Variants in ADAMTS6 observed in about 807,000 individuals in gnomAD.
The protein encoded by ADAMTS6 is A disintegrin and metalloproteinase with thrombospondin motifs 6.
ADAMTS6 carries 23 observed loss-of-function variants against 144.3 expected under a neutral mutation model. That is an observed-to-expected ratio of 0.16 (90% CI 0.11 to 0.23). ADAMTS6 has a LOEUF of 0.23. ADAMTS6 is among the 10% of genes least tolerant of loss of function. ADAMTS6 has a pLI of 1.00. For synonymous variants in ADAMTS6, 444 were observed against 457.5 expected (o/e 0.97, Z 0.38); for missense variants, 999 against 1,379.6 (o/e 0.72, Z 4.37).
At chr5:65,363,209 T>C (rs943764051) in intron 7 of ADAMTS6, among the ~76,000 whole-genome samples, 5 of 152,168 alleles carry the variant, frequency 3.3e-5, no homozygotes, top group African/African-American at 9.6e-5. Flanking sequence ...ACTCAACCTT[T>C]TGGGAGAAAT....
rs1756799545 is a variant in ADAMTS6 at position 65,214,868 on chromosome 5, C to A, written c.2501G>T (p.Gly834Val). The change falls in exon 20 of 25, where the codon GGC becomes GTC. Residue 834 changes from glycine (G) to valine (V), a missense_variant. This residue lies in a region of ADAMTS6 where 619 missense variants were observed against 837.0 expected (regional missense o/e 0.74). Transcript: ENST00000381055. This position sits in a 1 kb window ranked among gnomAD's most constrained non-coding sequence, Gnocchi z 4.6. The part of the protein sequence containing the change: ...YKFNVPITRT[G>V]SGDNEVGFTW... Reference sequence around the variant, plus strand: ...AAAGCCAACTTCATTATCTCCACTGCCAGTTCGAGTGATGGGAACATTGAA... The same window carrying A: ...AAAGCCAACTTCATTATCTCCACTGACAGTTCGAGTGATGGGAACATTGAA... The A allele has an allele frequency of 1.9e-6, 3 of 1,614,128 alleles. No individual in the cohort carries two copies. Among genetic ancestry groups the A allele is most frequent in the Non-Finnish European group, 2.5e-6 (3 of 1,180,020 alleles).
intron 7 of ADAMTS6, among the ~76,000 whole-genome samples, chr5:65,352,450 A>G (rs1391431288): frequency 6.6e-6 from 1 of 152,168 alleles, no homozygotes; most frequent in South Asian, 2.1e-4. Flanking sequence ...CTACTCAACT[A>G]TGAGTGGGAA....
chr5:65,232,472 A>G (rs1758327024), intron 15 of ADAMTS6, among the ~76,000 whole-genome samples: 1 of 152,038 alleles, frequency 6.6e-6, no homozygotes, highest in Non-Finnish European at 1.5e-5. Flanking sequence ...ATACTAGGAG[A>G]GAAAGAGAAA....
At chr5:65,317,094 C>A (rs1027942804) in intron 9 of ADAMTS6, among the ~76,000 whole-genome samples, 1 of 152,112 alleles carries the variant, frequency 6.6e-6, no homozygotes, top group Admixed American at 6.6e-5. Context: ...TGAGCCACTG[C>A]GCCTGGCTGA....
intron 7 of ADAMTS6, among the ~76,000 whole-genome samples, chr5:65,389,189 G>C (rs1752715792): frequency 6.6e-6 from 1 of 151,782 alleles, no homozygotes; most frequent in Admixed American, 6.6e-5. Flanking sequence ...GGGCGACAGA[G>C]CGAGACTCCA....
chr5:65,245,494 A>G, intron 14 of ADAMTS6, among the ~76,000 whole-genome samples: 1 of 152,084 alleles, frequency 6.6e-6, no homozygotes, highest in East Asian at 1.9e-4. Flanking sequence ...ATCTTCCTGG[A>G]AGGAACTAGT....
chr5:65,386,768 G>A (rs1030758383), intron 7 of ADAMTS6, among the ~76,000 whole-genome samples: 5 of 152,078 alleles, frequency 3.3e-5, no homozygotes, highest in East Asian at 1.9e-4. Flanking sequence ...TGTATTTTTA[G>A]TAGAGACAGG....
At chr5:65,448,577 T>C (rs1354806680) in intron 7 of ADAMTS6, among the ~76,000 whole-genome samples, 1 of 152,050 alleles carries the variant, frequency 6.6e-6, no homozygotes, top group East Asian at 1.9e-4. Context: ...CTCAGCCTCC[T>C]GAGTAGCTGG....
chr5:65,367,290 C>A (rs1254847626), intron 7 of ADAMTS6, among the ~76,000 whole-genome samples: 3 of 152,050 alleles, frequency 2.0e-5, no homozygotes, highest in African/African-American at 7.2e-5. Context: ...CTTAAAAGAG[C>A]ATTCTTTATC....
At chr5:65,179,956 G>A (rs59371486) in intron 22 of ADAMTS6, among the ~76,000 whole-genome samples, 4,382 of 142,340 alleles carry the variant, frequency 0.031, 230 homozygotes, top group African/African-American at 0.12. Flanking sequence ...GTGCACGCAC[G>A]CGCACACACA....
chr5:65,381,454 T>C (rs1016210039), intron 7 of ADAMTS6, among the ~76,000 whole-genome samples: 4 of 151,266 alleles, frequency 2.6e-5, no homozygotes, highest in African/African-American at 9.7e-5. Flanking sequence ...CCTCCACCTC[T>C]TGGGTTCAAG....
chr5:65,270,799 A>C (rs1454472924), intron 12 of ADAMTS6, among the ~76,000 whole-genome samples: 2 of 152,296 alleles, frequency 1.3e-5, no homozygotes, highest in Non-Finnish European at 1.5e-5. Context: ...AAACTTTGCC[A>C]TATTTACAAG....
chr5:65,153,642 A>G (rs940906786), intron 24 of ADAMTS6, among the ~76,000 whole-genome samples: 2 of 152,218 alleles, frequency 1.3e-5, no homozygotes, highest in African/African-American at 4.8e-5. Flanking sequence ...AAATATCTCA[A>G]TGAGGATGCA....
chr5:65,224,242 C>T (rs979756421), intron 18 of ADAMTS6, 78 bp downstream of exon 18: 7 of 1,225,820 alleles, frequency 5.7e-6, no homozygotes, highest in African/African-American at 3.0e-5. Context: ...AGAAGCATGC[C>T]TTTTCCTTCA....
In ADAMTS6 at chr5:65,423,944, CTATT is replaced by C. The variant is rs1157381639; in HGVS notation, c.1073+27527_1073+27530del. Among the ~76,000 whole-genome samples the C allele has an allele frequency of 6.6e-5, 10 of 152,094 alleles. No individual in the cohort carries two copies. The South Asian group carries it at 1.2e-3, about 19-fold the overall frequency. ...CATATAACTCATCAATATGTATTGACTATTTATCTTAATTTTTTTCTTTCTTAAA... is the reference window on the plus strand; with the variant it reads ...CATATAACTCATCAATATGTATTGACTATCTTAATTTTTTTCTTTCTTAAA... On this transcript the variant is annotated intron_variant, in intron 7 of 24. Transcript: ENST00000381055.
intron 18 of ADAMTS6, among the ~76,000 whole-genome samples, chr5:65,219,349 C>CTTG (rs1201675915): frequency 6.6e-6 from 1 of 152,054 alleles, no homozygotes; most frequent in Admixed American, 6.6e-5. Flanking sequence ...TAGTTGCCGA[C>CTTG]CCCCAACCCC....
At chr5:65,429,404 C>T (rs1012326610) in intron 7 of ADAMTS6, among the ~76,000 whole-genome samples, 18 of 152,042 alleles carry the variant, frequency 1.2e-4, no homozygotes, top group Non-Finnish European at 2.4e-4. Flanking sequence ...GCTCCAGTGT[C>T]GCATAAAACT....
intron 7 of ADAMTS6, among the ~76,000 whole-genome samples, chr5:65,336,923 A>G (rs1026338074): frequency 6.6e-6 from 1 of 152,134 alleles, no homozygotes; most frequent in African/African-American, 2.4e-5. Context: ...TATATCTACC[A>G]TGATACCTAC....
intron 21 of ADAMTS6, among the ~76,000 whole-genome samples, chr5:65,192,129 G>A (rs972281652): frequency 6.6e-6 from 1 of 151,976 alleles, no homozygotes; most frequent in Non-Finnish European, 1.5e-5. Flanking sequence ...CAGAATAATG[G>A]TTATTAAACA....
Sources: allele counts gnomAD v4.1 joint callset (sites outside exome capture counted in the v4.1 genomes callset), GRCh38; gene constraint gnomAD v4.1.1; regional missense constraint gnomAD v4.1.1; non-coding constraint Gnocchi (gnomAD v3.1); transcripts MANE v1.5; gene names NCBI Gene and HGNC (gene_info 2026-07-23, HGNC 2026-07-21).